Variants in USP6 observed in about 807,000 individuals in gnomAD.
USP6 encodes ubiquitin specific peptidase 6.
USP6 carries 128 observed loss-of-function variants against 175.7 expected under a neutral mutation model. That is an observed-to-expected ratio of 0.73 (90% confidence interval 0.63 to 0.84). USP6 has a LOEUF of 0.84. Ranked by LOEUF, USP6 falls within the 40% of genes least tolerant of loss-of-function variation. The pLI is 0.00. For synonymous variants in USP6, 562 were observed against 630.6 expected (o/e 0.89, Z 1.63); for missense variants, 1,498 against 1,760.3 (o/e 0.85, Z 2.67).
chr17:5,132,807 C>G lies in USP6; in HGVS notation c.196-103C>G. ...AGGGTCTGCCCTTCCCTGGCTCCTT[C>G]CAGTTGGGTCCCACCAGGGCTCCAG... On this transcript the variant is annotated intron_variant, in intron 12 of 37. Transcript: ENST00000574788. This position sits in a 1 kb window ranked among gnomAD's most constrained non-coding sequence, Gnocchi z 4.7. 7.2e-7 allele frequency: 1 copy of G among 1,392,044 alleles called. No individual in the cohort carries two copies. The highest frequency in any genetic ancestry group is 2.3e-5 in the East Asian group (1 of 43,770). 86.2% of individuals were successfully genotyped at this position (1,392,044 alleles called of 1,614,324 possible). A position where few individuals can be genotyped will look rare whatever the true frequency, so the allele number is the denominator to read the frequency against.
In USP6 at chr17:5,161,147, A is replaced by G. The variant is rs1245285137; in HGVS notation, c.2829-381A>G. On this transcript the variant is annotated intron_variant, in intron 31 of 37. Transcript: ENST00000574788. Reference sequence around the variant, plus strand: ...ACTTCTAAATATACAGCTTTCTGCAATGTGTCAGTGTTCTTGTCATGGAAA... The same window carrying G: ...ACTTCTAAATATACAGCTTTCTGCAGTGTGTCAGTGTTCTTGTCATGGAAA... Among the ~76,000 whole-genome samples the G allele has an allele frequency of 5.9e-5, 9 of 152,376 alleles. No homozygotes were observed. In the East Asian group the frequency reaches 7.7e-4, roughly 13 times the overall value.
In USP6 at chr17:5,171,576, A is replaced by C. The variant is rs771779728; in HGVS notation, c.3955-11A>C. 2.0e-5 allele frequency: 32 copies of C among 1,613,384 alleles called. No homozygotes were observed. Among genetic ancestry groups the C allele is most frequent in the Non-Finnish European group, 2.5e-5 (30 of 1,179,606 alleles). ...ACTACTAACATACCTCCACTCTCTTATCTCTTACAGTGCCATTCAGGAATT... is the reference window on the plus strand; with the variant it reads ...ACTACTAACATACCTCCACTCTCTTCTCTCTTACAGTGCCATTCAGGAATT... On this transcript the variant is annotated splice_polypyrimidine_tract_variant and intron_variant, in intron 36 of 37. Coordinates refer to ENST00000574788, the MANE Select transcript of USP6 (RefSeq NM_001304284.2).
chr17:5,164,181 A>G (rs143058908), intron 33 of USP6, among the ~76,000 whole-genome samples: 52 of 152,332 alleles, frequency 3.4e-4, no homozygotes, highest in African/African-American at 1.3e-3. Context: ...CCTTTGGATA[A>G]GTTAATAATG....
chr17:5,126,415 G>GT (rs2072896363), intron 6 of USP6, among the ~76,000 whole-genome samples: 1 of 152,136 alleles, frequency 6.6e-6, no homozygotes, highest in South Asian at 2.1e-4. Flanking sequence ...GTAGTCAAAG[G>GT]TTTTATGCTC....
At chr17:5,119,042 T>C (rs1470546104) in intron 2 of USP6, among the ~76,000 whole-genome samples, 4 of 152,184 alleles carry the variant, frequency 2.6e-5, no homozygotes, top group African/African-American at 4.8e-5. Flanking sequence ...GGGGTTTCAC[T>C]GGGGGCCTGC....
chr17:5,121,070 C>T (rs1352967523), intron 3 of USP6, among the ~76,000 whole-genome samples: 3 of 152,254 alleles, frequency 2.0e-5, no homozygotes, highest in South Asian at 2.1e-4. Flanking sequence ...TGAGTACATA[C>T]GCATACCCTT....
Position 5,131,962 on chromosome 17 carries a change from C to T in USP6, c.156-434C>T, listed in dbSNP as rs559221991. 5.9e-5 allele frequency among the ~76,000 whole-genome samples: 9 copies of T among 152,184 alleles called. No homozygotes were observed. The South Asian group carries it at 1.0e-3, about 18-fold the overall frequency. ...GGCCCTTAGTGCACCCAGAGTATACCGGGAAGGTCTCAGGGCAGGCTTCCT... is the reference window on the plus strand; with the variant it reads ...GGCCCTTAGTGCACCCAGAGTATACTGGGAAGGTCTCAGGGCAGGCTTCCT... On this transcript the variant is annotated intron_variant, in intron 11 of 37. Coordinates refer to ENST00000574788, the MANE Select transcript of USP6 (RefSeq NM_001304284.2).
Position 5,138,102 on chromosome 17 carries a change from A to G in USP6, c.926-19A>G. ...ATTCCCAGGGAACTCTCCTGGCCTG[A>G]TATCCACCCTGTCCCTAGAGCGCCT... On this transcript the variant is annotated intron_variant, in intron 20 of 37. Coordinates refer to ENST00000574788, the MANE Select transcript of USP6 (RefSeq NM_001304284.2). 1 of 1,613,912 alleles carries G rather than the reference A, an allele frequency of 6.2e-7. No individual in the cohort carries two copies. Among genetic ancestry groups the G allele is most frequent in the East Asian group, 2.2e-5 (1 of 44,858 alleles).
chr17:5,138,851 G>C, intron 21 of USP6: 1 of 585,802 alleles, frequency 1.7e-6, no homozygotes, highest in Non-Finnish European at 2.8e-6. Flanking sequence ...GGGGCAGAGG[G>C]TGACCCACGT....
chr17:5,161,736 C>A, intron 32 of USP6, 122 bp downstream of exon 32: 1 of 1,161,192 alleles, frequency 8.6e-7, no homozygotes. Context: ...AGAACTGTGG[C>A]TGGGCACCAT....
At chr17:5,136,769 C>T (rs774157089) in intron 18 of USP6, 35 bp downstream of exon 18, 9 of 1,606,764 alleles carry the variant, frequency 5.6e-6, no homozygotes, top group Non-Finnish European at 6.8e-6. Flanking sequence ...TTCTCAGAGG[C>T]CCTGCCTCCT....
At chr17:5,157,919 C>T (rs1410578351) in intron 31 of USP6, among the ~76,000 whole-genome samples, 3 of 149,334 alleles carry the variant, frequency 2.0e-5, no homozygotes, top group African/African-American at 7.8e-5. Context: ...AGCCACTGCA[C>T]CCGGCCCAGG....
At chr17:5,171,819 A>C (rs1222530502) in intron 37 of USP6, 140 bp downstream of exon 37, 9 of 965,756 alleles carry the variant, frequency 9.3e-6, no homozygotes, top group Non-Finnish European at 1.4e-5. Context: ...GTATTAAAGG[A>C]ACAAAAGTGA....
intron 15 of USP6, 22 bp downstream of exon 15, chr17:5,134,018 A>T: frequency 6.2e-7 from 1 of 1,608,730 alleles, no homozygotes; most frequent in Non-Finnish European, 8.5e-7. Flanking sequence ...GGAGCCACAC[A>T]GTCCCAGCAG....
intron 6 of USP6, among the ~76,000 whole-genome samples, chr17:5,127,179 G>T (rs2072921255): frequency 6.6e-6 from 1 of 151,002 alleles, no homozygotes; most frequent in Non-Finnish European, 1.5e-5. Context: ...TCCAGATCCA[G>T]GCTCCAGAAG....
At chr17:5,128,798 C>T (rs538089245) in intron 7 of USP6, 154 bp from the exon 8 acceptor site, 16 of 152,832 alleles carry the variant, frequency 1.0e-4, no homozygotes, top group Non-Finnish European at 1.9e-4. Flanking sequence ...CCTATCCGCT[C>T]TCCAGACTGC....
At chr17:5,151,885 A>G (rs2073781721) in intron 30 of USP6, among the ~76,000 whole-genome samples, 3 of 152,220 alleles carry the variant, frequency 2.0e-5, no homozygotes, top group Admixed American at 2.0e-4. Flanking sequence ...GAAGATAATA[A>G]TGGTGAATTC....
chr17:5,172,866 G>T lies in USP6; in HGVS notation c.4109G>T (p.Gly1370Val), dbSNP rs771265359. 2 of 1,613,936 alleles carry T rather than the reference G, an allele frequency of 1.2e-6. No homozygotes were observed. Among genetic ancestry groups the T allele is most frequent in the Non-Finnish European group, 1.7e-6 (2 of 1,179,864 alleles). ...TACATTCTTTTCTATGAGCAGCAGG[G>T]GATAGACTACGCACAATTTCTGCCA... ...SAYILFYEQQ[G>V]IDYAQFLPKI... The change falls in exon 38 of 38, where the codon GGG becomes GTG. Residue 1370 changes from glycine to valine, a missense_variant. Physicochemically the swap from Gly to Val is moderately radical, Grantham distance 109. Coordinates refer to ENST00000574788, the MANE Select transcript of USP6 (RefSeq NM_001304284.2).
At chr17:5,156,548 C>T (rs1257987690) in intron 31 of USP6, among the ~76,000 whole-genome samples, 9 of 152,042 alleles carry the variant, frequency 5.9e-5, no homozygotes, top group South Asian at 2.1e-4. Context: ...TCAGGTGATC[C>T]GCCTGCCTCA....
Sources: allele counts gnomAD v4.1 joint callset (sites outside exome capture counted in the v4.1 genomes callset), GRCh38; gene constraint gnomAD v4.1.1; non-coding constraint Gnocchi (gnomAD v3.1); transcripts MANE v1.5; gene names NCBI Gene and HGNC (gene_info 2026-07-23, HGNC 2026-07-21).